Variants in TMEM132C observed in about 807,000 individuals in gnomAD.
TMEM132C encodes protein phosphatase 1, regulatory subunit 152.
A neutral mutation model predicts 61.4 loss-of-function variants in TMEM132C; 29 were observed. The ratio of observed to expected loss-of-function variants is 0.47; its 90% CI spans 0.35 to 0.64. The LOEUF (loss-of-function observed/expected upper bound fraction) is 0.64, where lower values mean the gene tolerates loss of function less well. Ranked by LOEUF, TMEM132C falls within the 30% of genes least tolerant of loss-of-function variation. TMEM132C has a pLI of 0.00. For synonymous variants in TMEM132C, 656 were observed against 633.1 expected, an observed-to-expected ratio of 1.04 and a Z score of -0.54; for missense variants, 1,408 against 1,476.9, an observed-to-expected ratio of 0.95 and a Z score of 0.76.
At chr12:128,467,989 G>A (rs544573912) in intron 2 of TMEM132C, among the ~76,000 whole-genome samples, 13 of 152,338 alleles carry the variant, frequency 8.5e-5, no homozygotes, top group African/African-American at 2.9e-4. Context: ...TGTGCTCTGT[G>A]ATGCAGTGTG....
intron 1 of TMEM132C, among the ~76,000 whole-genome samples, chr12:128,356,418 C>G (rs867258593): frequency 6.6e-6 from 1 of 152,148 alleles, no homozygotes; most frequent in Non-Finnish European, 1.5e-5. Flanking sequence ...CAATAAAACG[C>G]GTCGACTCCA....
intron 1 of TMEM132C, among the ~76,000 whole-genome samples, chr12:128,394,763 G>A (rs1035163459): frequency 1.3e-5 from 2 of 152,066 alleles, no homozygotes; most frequent in African/African-American, 2.4e-5. Context: ...AAAACCATAC[G>A]AGCCATACAC....
intron 1 of TMEM132C, among the ~76,000 whole-genome samples, chr12:128,354,428 TC>T (rs1393196018): frequency 4.0e-5 from 6 of 151,870 alleles, no homozygotes; most frequent in African/African-American, 1.2e-4. Flanking sequence ...TAATTCTTTT[TC>T]TTCCTCTCTC....
At chr12:128,626,240 C>A (rs748217091) in intron 4 of TMEM132C, among the ~76,000 whole-genome samples, 4 of 150,670 alleles carry the variant, frequency 2.7e-5, no homozygotes, top group African/African-American at 4.9e-5. Context: ...AATTCTCGTG[C>A]CTCAGCCTCC....
intron 4 of TMEM132C, among the ~76,000 whole-genome samples, chr12:128,654,502 GA>G (rs1432242040): frequency 6.6e-6 from 1 of 152,162 alleles, no homozygotes; most frequent in African/African-American, 2.4e-5. Context: ...AGCAGCCTTA[GA>G]AAACTAACAG....
intron 2 of TMEM132C, among the ~76,000 whole-genome samples, chr12:128,480,211 G>A (rs1871275569): frequency 6.6e-6 from 1 of 152,162 alleles, no homozygotes; most frequent in Admixed American, 6.5e-5. Flanking sequence ...AGTGAGATAC[G>A]ATTGTGCCAC....
At chr12:128,340,643 C>T (rs1312729820) in intron 1 of TMEM132C, among the ~76,000 whole-genome samples, 1 of 152,136 alleles carries the variant, frequency 6.6e-6, no homozygotes, top group African/African-American at 2.4e-5. Flanking sequence ...ATGAAATGTA[C>T]ACCATTTGGG....
intron 3 of TMEM132C, among the ~76,000 whole-genome samples, chr12:128,600,180 C>T (rs184404916): frequency 6.6e-6 from 1 of 152,236 alleles, no homozygotes; most frequent in Admixed American, 6.5e-5. Flanking sequence ...GACGAGGTTT[C>T]ACCGTGTTAG....
At chr12:128,587,892 C>T (rs1375854334) in intron 3 of TMEM132C, among the ~76,000 whole-genome samples, 1 of 152,188 alleles carries the variant, frequency 6.6e-6, no homozygotes, top group African/African-American at 2.4e-5. Context: ...ATGAGGAAAA[C>T]ATGATGCAGG....
At chr12:128,589,632 A>G (rs1875682749) in intron 3 of TMEM132C, among the ~76,000 whole-genome samples, 1 of 152,070 alleles carries the variant, frequency 6.6e-6, no homozygotes, top group Non-Finnish European at 1.5e-5. Context: ...TAAAACATGC[A>G]GAAATACCAG....
intron 2 of TMEM132C, among the ~76,000 whole-genome samples, chr12:128,532,640 C>CAAAAAAAAAAAAAAAAAAAA (rs61283555): frequency 1.5e-5 from 1 of 67,160 alleles, no homozygotes; most frequent in African/African-American, 7.4e-5. Context: ...GACTCCATCT[C>CAAAAAAAAAAAAAAAAAAAA]AAAAAAAAAA....
chr12:128,283,707 C>A (rs1251984536), intron 1 of TMEM132C, among the ~76,000 whole-genome samples: 1 of 152,178 alleles, frequency 6.6e-6, no homozygotes, highest in African/African-American at 2.4e-5. Context: ...GATTCTAATC[C>A]AGCACCACAG....
chr12:128,540,300 C>G lies in TMEM132C; in HGVS notation c.975-3657C>G, dbSNP rs571735949. On this transcript the variant is annotated intron_variant, in intron 2 of 8. Transcript: ENST00000435159. ...GACAGAGTTTCGCTCTGTCACCAGG[C>G]TGCACTGCAGTGGCACGATCTTGGC... Among the ~76,000 whole-genome samples the G allele has an allele frequency of 2.6e-5, 4 of 152,306 alleles. No individual in the cohort carries two copies. In the East Asian group the frequency reaches 5.8e-4, roughly 22 times the overall value.
At chr12:128,554,122 C>G (rs570058243) in intron 3 of TMEM132C, among the ~76,000 whole-genome samples, 20 of 152,368 alleles carry the variant, frequency 1.3e-4, no homozygotes, top group African/African-American at 4.8e-4. Flanking sequence ...TCATCAGTCC[C>G]CTAGAGGGGC....
chr12:128,443,940 A>G (rs942234184), intron 2 of TMEM132C, among the ~76,000 whole-genome samples: 5 of 152,050 alleles, frequency 3.3e-5, no homozygotes, highest in African/African-American at 1.2e-4. Context: ...CTTTTTTTGT[A>G]AAGCTGGAAT....
chr12:128,271,688 G>T lies in TMEM132C; in HGVS notation c.85+4201G>T, dbSNP rs142877802. On this transcript the variant is annotated intron_variant, in intron 1 of 8. Coordinates refer to ENST00000435159, the MANE Select transcript of TMEM132C (RefSeq NM_001136103.3). ...AGGTCCTCTCTTCCTCTGCTCACTCGCCTGACCCTTCCCTTAAGCAGTTGA... is the reference window on the plus strand; with the variant it reads ...AGGTCCTCTCTTCCTCTGCTCACTCTCCTGACCCTTCCCTTAAGCAGTTGA... Among the ~76,000 whole-genome samples, 126 of 152,232 alleles carry T rather than the reference G, an allele frequency of 8.3e-4. 1 individual carries two copies. Among genetic ancestry groups the T allele is most frequent in the African/African-American group, 2.9e-3 (121 of 41,534 alleles).
At chr12:128,683,959 T>C (rs1379102680) in intron 5 of TMEM132C, among the ~76,000 whole-genome samples, 7 of 144,578 alleles carry the variant, frequency 4.8e-5, no homozygotes, top group Non-Finnish European at 7.6e-5. Flanking sequence ...AGAGCAAAAC[T>C]CTGTTTGAAA....
chr12:128,590,012 T>C (rs1854685710), intron 3 of TMEM132C, among the ~76,000 whole-genome samples: 1 of 152,078 alleles, frequency 6.6e-6, no homozygotes, highest in Non-Finnish European at 1.5e-5. Flanking sequence ...AAATAAACAG[T>C]GGAGGTTGTT....
chr12:128,693,171 G>T (rs1954732432), intron 5 of TMEM132C, among the ~76,000 whole-genome samples: 2 of 152,152 alleles, frequency 1.3e-5, no homozygotes, highest in South Asian at 4.1e-4. Context: ...CATCAGGCCT[G>T]CATGTGCATG....
Sources: allele counts gnomAD v4.1 joint callset (sites outside exome capture counted in the v4.1 genomes callset), GRCh38; gene constraint gnomAD v4.1.1; transcripts MANE v1.5; gene names NCBI Gene and HGNC (gene_info 2026-07-23, HGNC 2026-07-21).